ABCG8: variants seen among roughly 807,000 people sequenced by gnomAD.
The protein encoded by ABCG8 is ATP-binding cassette sub-family G member 8.
Under a neutral mutation model 71.3 loss-of-function variants are expected in ABCG8, and 81 were observed. The observed-to-expected ratio is 1.14, with a 90% confidence interval of 0.95 to 1.37. ABCG8 has a LOEUF of 1.37. ABCG8 is among the 40% of genes most tolerant of loss of function. ABCG8 has a pLI of 0.00. For missense variants in ABCG8, 1,119 were observed against 866.2 expected, an observed-to-expected ratio of 1.29 and a Z score of -3.66; for synonymous variants, 451 against 354.7, an observed-to-expected ratio of 1.27 and a Z score of -3.05.
chr2:43,882,226 A>G lies in ABCG8; in HGVS notation c.*4313A>G, dbSNP rs1212572472. 1.3e-5 allele frequency: 2 copies of G among 152,252 alleles called. No individual in the cohort carries two copies. The highest frequency in any genetic ancestry group is 4.8e-5 in the African/African-American group (2 of 41,460). 9.4% of individuals were successfully genotyped at this position (152,252 alleles called of 1,614,324 possible). A position where few individuals can be genotyped will look rare whatever the true frequency, so the allele number is the denominator to read the frequency against. ...CTTGCCCTGGGTTAAACCAGTCTAC[A>G]GAGGTAGATCTCGCATTTGCTTTTG... On this transcript the variant is annotated 3_prime_UTR_variant, in exon 13 of 13. Transcript: ENST00000272286.
Position 43,846,247 on chromosome 2 carries a change from G to A in ABCG8, c.258G>A (p.Leu86=), listed in dbSNP as rs1384201161. The change falls in exon 3 of 13, where the codon CTG becomes CTA. Residue 86 remains leucine (L), a synonymous_variant. Transcript: ENST00000272286. ...CCAGCTGCCAGAATTCTTGTGAGCT[G>A]GGCATCCAGAACCTAAGCTTCAAAG... ...TSPSCQNSCE[L]GIQNLSFKVR... 1.2e-6 allele frequency: 2 copies of A among 1,614,140 alleles called. No homozygotes were observed. Among genetic ancestry groups the A allele is most frequent in the Non-Finnish European group, 1.7e-6 (2 of 1,180,026 alleles).
intron 1 of ABCG8, among the ~76,000 whole-genome samples, chr2:43,840,537 T>G (rs1416078002): frequency 6.6e-6 from 1 of 152,220 alleles, no homozygotes; most frequent in East Asian, 1.9e-4. Context: ...CCGTAACACC[T>G]GTGGGTCTTG....
intron 3 of ABCG8, 165 bp downstream of exon 3, chr2:43,846,476 C>A: frequency 9.9e-7 from 1 of 1,012,268 alleles, no homozygotes; most frequent in Non-Finnish European, 1.5e-6. Context: ...GGCTCAAATC[C>A]TGGCTCCTCC....
chr2:43,877,133 G>A (rs755401289), intron 11 of ABCG8, among the ~76,000 whole-genome samples: 9 of 148,424 alleles, frequency 6.1e-5, no homozygotes, highest in South Asian at 2.2e-4. Context: ...TGGGGAGACC[G>A]TGGGAATATG....
chr2:43,875,363 CCTT>C lies in ABCG8; in HGVS notation c.1709_1711del (p.Phe570del), dbSNP rs764857208. The C allele has an allele frequency of 4.3e-6, 7 of 1,614,190 alleles. No individual in the cohort carries two copies. Among genetic ancestry groups the C allele is most frequent in the Non-Finnish European group, 4.2e-6 (5 of 1,180,058 alleles). On this transcript the variant is annotated inframe_deletion, in exon 11 of 13. Transcript: ENST00000272286. ...TTCTTCAGCAATGCCCTCTACAACT[CCTT>C]CTACCTCGCCGGGGGCTTCATGATA...
At chr2:43,875,585 A>G (rs1669935571) in intron 11 of ABCG8, among the ~76,000 whole-genome samples, 172 bp downstream of exon 11, 2 of 152,200 alleles carry the variant, frequency 1.3e-5, no homozygotes, top group African/African-American at 2.4e-5. Flanking sequence ...TGATTCCATT[A>G]GAGATTCCAG....
At chr2:43,842,099 G>A (rs1330863968) in intron 1 of ABCG8, among the ~76,000 whole-genome samples, 2 of 152,016 alleles carry the variant, frequency 1.3e-5, no homozygotes, top group East Asian at 3.9e-4. Flanking sequence ...TCCACCTGCC[G>A]GTTCAAGTGA....
rs1383131874 is a variant in ABCG8, at chr2:43,872,310, A to G, written c.1211+4A>G. 6.2e-7 allele frequency: 1 copy of G among 1,612,950 alleles called. No individual in the cohort carries two copies. Among genetic ancestry groups the G allele is most frequent in the Non-Finnish European group, 8.5e-7 (1 of 1,179,670 alleles). ...AGCAGTTTACGACGCTGATCCGGTA[A>G]TTATCTGTCATTTTATTACTGAACC... On this transcript the variant is annotated splice_donor_region_variant and intron_variant, in intron 8 of 12. Transcript: ENST00000272286.
chr2:43,861,402 A>G (rs955942326), intron 6 of ABCG8, among the ~76,000 whole-genome samples: 1 of 151,064 alleles, frequency 6.6e-6, no homozygotes, highest in African/African-American at 2.4e-5. Flanking sequence ...ATCTGTCTGG[A>G]TCGTATTCCC....
At chr2:43,839,265 C>A in intron 1 of ABCG8, 149 bp downstream of exon 1, 1 of 887,658 alleles carries the variant, frequency 1.1e-6, no homozygotes, top group Non-Finnish European at 1.8e-6. Flanking sequence ...TCCTGCATGT[C>A]AAAGGGCGGA....
chr2:43,849,938 G>A (rs1019232593), intron 3 of ABCG8, among the ~76,000 whole-genome samples: 4 of 152,218 alleles, frequency 2.6e-5, no homozygotes, highest in East Asian at 1.9e-4. Flanking sequence ...GGTGGCTCAC[G>A]TCTGTCATCC....
chr2:43,857,133 A>G (rs150460773), intron 6 of ABCG8, among the ~76,000 whole-genome samples: 3,568 of 151,142 alleles, frequency 0.024, 139 homozygotes, highest in African/African-American at 0.082. Flanking sequence ...AACTCTCACT[A>G]TCTATCTGGA....
At chr2:43,852,212 G>A (rs780146462) in intron 4 of ABCG8, 142 bp from the exon 5 acceptor site, 6 of 1,176,902 alleles carry the variant, frequency 5.1e-6, no homozygotes, top group African/African-American at 1.5e-5. Flanking sequence ...CAATGTTGCA[G>A]CTTGGAACTC....
chr2:43,874,491 G>C lies in ABCG8; in HGVS notation c.1488+8G>C. 1 of 1,597,306 alleles carries C rather than the reference G, an allele frequency of 6.3e-7. No individual in the cohort carries two copies. On this transcript the variant is annotated splice_region_variant and intron_variant, in intron 10 of 12. Transcript: ENST00000272286. ...CCATATTTCTTTGCCAAGGTGACTG[G>C]GCAGGGTTGAGAGCAAGTGCCCCCC...
intron 1 of ABCG8, 140 bp downstream of exon 1, chr2:43,839,256 C>T (rs2104902264): frequency 1.0e-6 from 1 of 953,418 alleles, no homozygotes; most frequent in East Asian, 2.7e-5. Flanking sequence ...AGGACTGTTT[C>T]CTGCATGTCA....
intron 6 of ABCG8, among the ~76,000 whole-genome samples, chr2:43,867,024 T>G (rs1669553282): frequency 6.6e-6 from 1 of 151,702 alleles, no homozygotes; most frequent in South Asian, 2.1e-4. Flanking sequence ...CCATAAAAAA[T>G]GGTGAGTTCA....
chr2:43,846,990 G>GCACACACACACA (rs368330289), intron 3 of ABCG8: 32 of 110,834 alleles, frequency 2.9e-4, no homozygotes, highest in African/African-American at 1.3e-3. Flanking sequence ...ACGCGCGCGT[G>GCACACACACACA]CACACACACA....
In ABCG8 at chr2:43,875,114, C is replaced by T. The variant is rs140720524; in HGVS notation, c.1489-32C>T. 226 of 1,614,114 alleles carry T rather than the reference C, an allele frequency of 1.4e-4. No individual in the cohort carries two copies. The African/African-American group carries it at 2.6e-3, about 19-fold the overall frequency. ...ATAATAATGGCAGTGAAGGTGCTGG[C>T]TTCATATCCTTGCAAGGGCTGTTCT... On this transcript the variant is annotated intron_variant, in intron 10 of 12. Coordinates refer to ENST00000272286, the MANE Select transcript of ABCG8 (RefSeq NM_022437.3).
chr2:43,846,133 A>G, intron 2 of ABCG8, 22 bp from the exon 3 acceptor site: 1 of 1,612,336 alleles, frequency 6.2e-7, no homozygotes, highest in Non-Finnish European at 8.5e-7. Context: ...TCTCTAAGGA[A>G]CCTTCTGATA....
Sources: allele counts gnomAD v4.1 joint callset (sites outside exome capture counted in the v4.1 genomes callset), GRCh38; gene constraint gnomAD v4.1.1; transcripts MANE v1.5; gene names NCBI Gene and HGNC (gene_info 2026-07-23, HGNC 2026-07-21).